VPS13A: variants seen among roughly 807,000 people sequenced by gnomAD.
VPS13A encodes the protein intermembrane lipid transfer protein VPS13A.
VPS13A carries 264 observed loss-of-function variants against 390.9 expected under a neutral mutation model. That is an observed-to-expected ratio of 0.68 (90% CI 0.61 to 0.75). The LOEUF is 0.75. Among genes scored for constraint, VPS13A ranks in the 30% least tolerant of loss-of-function variants. The pLI is 0.00. For synonymous variants in VPS13A, 1,231 were observed against 1,227.1 expected, an observed-to-expected ratio of 1.00 and a Z score of -0.07; for missense variants, 3,409 against 3,733.9, an observed-to-expected ratio of 0.91 and a Z score of 2.27.
At chr9:77,207,165 A>G (rs1450346146) in intron 5 of VPS13A, among the ~76,000 whole-genome samples, 3 of 136,998 alleles carry the variant, frequency 2.2e-5, no homozygotes, top group Non-Finnish European at 4.7e-5. Flanking sequence ...CCGCACCTAT[A>G]TTACTAAATA....
At chr9:77,257,490 T>C (rs1036263456) in intron 22 of VPS13A, among the ~76,000 whole-genome samples, 3 of 152,174 alleles carry the variant, frequency 2.0e-5, no homozygotes, top group Non-Finnish European at 4.4e-5. Flanking sequence ...CATAGTCTTA[T>C]ACCTGTAATC....
intron 28 of VPS13A, 73 bp downstream of exon 28, chr9:77,281,999 G>T: frequency 7.4e-7 from 1 of 1,349,866 alleles, no homozygotes; most frequent in Non-Finnish European, 1.0e-6. Flanking sequence ...GGAATTGTAA[G>T]ATCCTTAAAG....
intron 23 of VPS13A, among the ~76,000 whole-genome samples, chr9:77,270,230 G>C (rs1332372523): frequency 6.6e-6 from 1 of 152,162 alleles, no homozygotes; most frequent in African/African-American, 2.4e-5. Context: ...AAAAAACCTA[G>C]ATTCTATCGT....
intron 46 of VPS13A, among the ~76,000 whole-genome samples, chr9:77,333,093 G>A (rs1413444697): frequency 6.6e-6 from 1 of 152,148 alleles, no homozygotes; most frequent in Non-Finnish European, 1.5e-5. Flanking sequence ...GAGAGGATTT[G>A]GGGTGGGTTA....
intron 31 of VPS13A, among the ~76,000 whole-genome samples, chr9:77,288,580 C>G (rs1360669892): frequency 6.6e-6 from 1 of 152,068 alleles, no homozygotes; most frequent in Non-Finnish European, 1.5e-5. Context: ...ATTTTCAGAT[C>G]CCTTTCTGTT....
At position 77,321,190 on chromosome 9, in the gene VPS13A, G is replaced by A; in HGVS notation, c.5437G>A (p.Ala1813Thr). The A allele has an allele frequency of 1.9e-6, 3 of 1,612,282 alleles. No individual in the cohort carries two copies. The highest frequency in any genetic ancestry group is 2.5e-6 in the Non-Finnish European group (3 of 1,178,966). Residue 1813 changes from alanine to threonine, a missense_variant, in exon 43 of 72, where the codon GCC (alanine) becomes ACC (threonine). Around this residue, in one of 5 missense-constraint regions of VPS13A, gnomAD observed 2,717 missense variants for 2,917.4 expected, o/e 0.93. Coordinates refer to ENST00000360280, the MANE Select transcript of VPS13A (RefSeq NM_033305.3). ...TTAGATGAAAAAGAAAGCAAAAATG[G>A]CCATTGTTGAGTCAGATCCTGAAGA... is the stretch of plus-strand genomic sequence containing the variant. The part of the protein sequence containing the change: ...GIKMKKKAKM[A>T]IVESDPEEEN...
intron 31 of VPS13A, among the ~76,000 whole-genome samples, chr9:77,290,671 A>AGT (rs1441338468): frequency 2.6e-5 from 4 of 151,998 alleles, no homozygotes; most frequent in Non-Finnish European, 5.9e-5. Flanking sequence ...ATTTATCTTG[A>AGT]CCTATTTTCA....
chr9:77,191,386 C>G (rs1459792987), intron 1 of VPS13A, among the ~76,000 whole-genome samples: 1 of 151,424 alleles, frequency 6.6e-6, no homozygotes, highest in Non-Finnish European at 1.5e-5. Context: ...CTCCACCTTC[C>G]AGGCTCAAGC....
intron 68 of VPS13A, among the ~76,000 whole-genome samples, chr9:77,392,231 A>G (rs552947282): frequency 9.8e-5 from 15 of 152,308 alleles, no homozygotes; most frequent in Non-Finnish European, 2.1e-4. Flanking sequence ...GAGACATGAT[A>G]ACAGTTTGTG....
intron 45 of VPS13A, among the ~76,000 whole-genome samples, chr9:77,326,877 T>C (rs1424168736): frequency 6.6e-6 from 1 of 152,188 alleles, no homozygotes; most frequent in African/African-American, 2.4e-5. Flanking sequence ...GTCCTGATCA[T>C]TACTCAGCTG....
At chr9:77,222,327 G>A (rs1387762661) in intron 13 of VPS13A, among the ~76,000 whole-genome samples, 2 of 152,096 alleles carry the variant, frequency 1.3e-5, no homozygotes, top group Admixed American at 1.3e-4. Context: ...ATAATGGGTT[G>A]TAGTTACTTC....
At chr9:77,309,713 G>A (rs1323104964) in intron 35 of VPS13A, among the ~76,000 whole-genome samples, 1 of 152,106 alleles carries the variant, frequency 6.6e-6, no homozygotes, top group Non-Finnish European at 1.5e-5. Context: ...TGCAGGTAAG[G>A]GTGAGCTGCT....
chr9:77,399,193 A>C (rs1563990863), intron 68 of VPS13A, among the ~76,000 whole-genome samples: 3 of 144,128 alleles, frequency 2.1e-5, no homozygotes, highest in East Asian at 2.1e-4. Flanking sequence ...AAAAAAAAAA[A>C]AAAAAAAAAA....
chr9:77,406,187 G>A lies in VPS13A; in HGVS notation c.9399+200G>A, dbSNP rs1395470397. On this transcript the variant is annotated intron_variant, in intron 70 of 71. Transcript: ENST00000360280. ...GGCCAAGAAAAACTGTGCTTTCTGT[G>A]CTATTGCACTGACAATAACATTCCT... Among the ~76,000 whole-genome samples, 9 of 151,360 alleles carry A rather than the reference G, an allele frequency of 5.9e-5. No homozygotes were observed. In the East Asian group the frequency reaches 1.8e-3, roughly 29 times the overall value.
intron 31 of VPS13A, among the ~76,000 whole-genome samples, chr9:77,286,162 T>TA (rs1167181971): frequency 1.3e-5 from 2 of 152,210 alleles, no homozygotes; most frequent in African/African-American, 2.4e-5. Flanking sequence ...TTCTTTTTTT[T>TA]ATGTTAGAAG....
intron 61 of VPS13A, among the ~76,000 whole-genome samples, chr9:77,367,505 G>T (rs1163608385): frequency 1.3e-5 from 2 of 152,136 alleles, no homozygotes; most frequent in African/African-American, 4.8e-5. Context: ...AAGTACACAG[G>T]TATGATGTTA....
intron 29 of VPS13A, among the ~76,000 whole-genome samples, chr9:77,283,041 A>G (rs1587489212): frequency 6.6e-6 from 1 of 152,126 alleles, no homozygotes; most frequent in Non-Finnish European, 1.5e-5. Flanking sequence ...TGCAATTTTG[A>G]TAATGACAAG....
rs1308930430 is a variant in VPS13A at position 77,275,560 on chromosome 9, A to G, written c.2575A>G (p.Thr859Ala). Residue 859 changes from threonine (T) to alanine (A), a missense_variant, in exon 25 of 72, where the codon ACT (threonine) becomes GCT (alanine). This residue lies in a region of VPS13A where 2,717 missense variants were observed against 2,917.4 expected (regional missense o/e 0.93). Coordinates refer to ENST00000360280, the MANE Select transcript of VPS13A (RefSeq NM_033305.3). ...CTTGGAAGAACCTCTTCAGTTTCCA[A>G]CTGGAGTTAAAAGTATTCGAACCAG... is the stretch of plus-strand genomic sequence containing the variant. ...SPLEEPLQFP[T>A]GVKSIRTRKL... 5 of 1,613,700 alleles carry G rather than the reference A, an allele frequency of 3.1e-6. No homozygotes were observed. Among genetic ancestry groups the G allele is most frequent in the Non-Finnish European group, 2.5e-6 (3 of 1,179,824 alleles).
chr9:77,240,369 G>A (rs1180911472), intron 19 of VPS13A, among the ~76,000 whole-genome samples: 2 of 151,380 alleles, frequency 1.3e-5, no homozygotes, highest in Non-Finnish European at 2.9e-5. Context: ...TTACAGGTGT[G>A]AGCCATCGGA....
Sources: gnomAD v4.1 joint callset for allele counts (sites outside exome capture counted in the v4.1 genomes callset) on GRCh38, gnomAD v4.1.1 for gene constraint, gnomAD v4.1.1 regional missense constraint, MANE v1.5 for transcripts, NCBI Gene and HGNC (gene_info 2026-07-23, HGNC 2026-07-21) for gene names.